The following TOR1AIP2 variants were observed in gnomAD, a reference collection of about 807,000 sequenced individuals.
The protein encoded by TOR1AIP2 is torsin-1A-interacting protein 2.
A neutral mutation model predicts 32.6 loss-of-function variants in TOR1AIP2; 20 were observed. That is an observed-to-expected ratio of 0.61 (90% CI 0.43 to 0.89). TOR1AIP2 has a LOEUF of 0.89. Ranked by LOEUF, TOR1AIP2 falls within the 40% of genes least tolerant of loss-of-function variation. The probability of loss-of-function intolerance (pLI) is 0.00; values close to 1 mark genes in which losing one functional copy is unlikely to be tolerated. For missense variants in TOR1AIP2, 456 were observed against 553.8 expected (o/e 0.82, Z 1.77); for synonymous variants, 214 against 210.8 (o/e 1.02, Z -0.13).
At position 179,851,072 on chromosome 1, in the gene TOR1AIP2, C is replaced by T. The variant is rs1202935111; in HGVS notation, c.326G>A (p.Gly109Asp). The stretch of plus-strand genomic sequence containing the variant: ...GGGATCTGGATCCAAGGGTTCTTTA[C>T]CCAGATTTTCTGAAGGGAGGTGATG... ...KGHHLPSENL[G>D]KEPLDPDPSH... Residue 109 changes from glycine to aspartate, a missense_variant, in exon 5 of 7, where the codon GGT (glycine) becomes GAT (aspartate). Transcript: ENST00000609928. The T allele has an allele frequency of 1.2e-6, 2 of 1,614,084 alleles. No individual in the cohort carries two copies. Among genetic ancestry groups the T allele is most frequent in the Admixed American group, 1.7e-5 (1 of 59,998 alleles).
At chr1:179,856,615 G>A (rs1696311708) in intron 3 of TOR1AIP2, among the ~76,000 whole-genome samples, 1 of 148,862 alleles carries the variant, frequency 6.7e-6, no homozygotes, top group Non-Finnish European at 1.5e-5. Flanking sequence ...TCAGAGGCAG[G>A]TCAATCTTTT....
intron 5 of TOR1AIP2, among the ~76,000 whole-genome samples, chr1:179,850,145 C>G (rs895919990): frequency 1.4e-4 from 21 of 152,140 alleles, no homozygotes; most frequent in African/African-American, 5.1e-4. Context: ...TCATCTTGTC[C>G]AACTTCTTCA....
At chr1:179,867,036 A>G (rs1024726582) in intron 2 of TOR1AIP2, among the ~76,000 whole-genome samples, 15 of 152,206 alleles carry the variant, frequency 9.9e-5, no homozygotes, top group Admixed American at 7.2e-4. Flanking sequence ...TGGGGAGGGC[A>G]TGAGTTAAAA....
At chr1:179,857,559 T>A (rs370164613) in intron 3 of TOR1AIP2, among the ~76,000 whole-genome samples, 3 of 152,220 alleles carry the variant, frequency 2.0e-5, no homozygotes, top group African/African-American at 7.2e-5. Flanking sequence ...CTAAGATGTA[T>A]CCTTTCTACT....
intron 3 of TOR1AIP2, among the ~76,000 whole-genome samples, chr1:179,854,993 G>C (rs1696245005): frequency 1.3e-5 from 2 of 152,130 alleles, no homozygotes; most frequent in South Asian, 2.1e-4. Context: ...AAGGAAATTG[G>C]CCAATTCACA....
rs145359130 is a variant in TOR1AIP2 at position 179,851,318 on chromosome 1, G to A, written c.80C>T (p.Ala27Val). 92 of 1,591,276 alleles carry A rather than the reference G, an allele frequency of 5.8e-5. No homozygotes were observed. Among genetic ancestry groups the A allele is most frequent in the African/African-American group, 5.7e-4 (42 of 73,758 alleles). ...LENDPSVNSQ[A>V]QETTIIASNA... ...ACTTGCTATGATTGTGGTCTCCTGC[G>A]CCTGAGAATTTACTGATGGATCATT... Residue 27 changes from alanine (A) to valine (V), a missense_variant, in exon 5 of 7, where the codon GCG (alanine) becomes GTG (valine). By Grantham distance (64) the Ala-to-Val change is moderately conservative. Coordinates refer to ENST00000609928, the MANE Select transcript of TOR1AIP2 (RefSeq NM_001199260.2).
rs1695858057 is a variant in TOR1AIP2, at chr1:179,845,287, G to GTTCTGCT, written c.*783_*784insAGCAGAA. 2.0e-5 allele frequency: 3 copies of GTTCTGCT among 152,188 alleles called. No individual in the cohort carries two copies. Among genetic ancestry groups the GTTCTGCT allele is most frequent in the Non-Finnish European group, 4.4e-5 (3 of 68,030 alleles). 9.4% of individuals were successfully genotyped at this position (152,188 alleles called of 1,614,324 possible). On this transcript the variant is annotated 3_prime_UTR_variant, in exon 7 of 7. Transcript: ENST00000609928. ...AAAAGCAGAACTGCTCTGATACAAA[G>GTTCTGCT]GGGAAGGGTGCCAGTAGACACAGTT...
intron 3 of TOR1AIP2, chr1:179,864,577 A>G: frequency 7.6e-7 from 1 of 1,310,838 alleles, no homozygotes. Context: ...GATTAGCCTC[A>G]GTCTAGATGA....
Position 179,852,700 on chromosome 1 carries a change from C to T in TOR1AIP2, c.-35G>A. ...CTATCTCTTCAGAGTTGGGAGGATA[C>T]TTTTTTTAGTACTTGGTTTTCCTTG... On this transcript the variant is annotated 5_prime_UTR_variant, in exon 4 of 7. Transcript: ENST00000609928. 1 of 1,613,616 alleles carries T rather than the reference C, an allele frequency of 6.2e-7. No individual in the cohort carries two copies.
intron 2 of TOR1AIP2, chr1:179,874,939 T>A (rs1267945228): frequency 6.6e-6 from 1 of 152,524 alleles, no homozygotes; most frequent in Non-Finnish European, 1.5e-5. Flanking sequence ...TAGACCTGAA[T>A]GACTGCTCCA....
In TOR1AIP2 at chr1:179,843,295, C is replaced by T. The variant is rs6696288; in HGVS notation, c.*2776G>A. ...CCAAGGCAGGCGGATCAATTGAGGCCAGGAGTTCGAGACCAACCTGGACAA... is the reference window on the plus strand; with the variant it reads ...CCAAGGCAGGCGGATCAATTGAGGCTAGGAGTTCGAGACCAACCTGGACAA... On this transcript the variant is annotated 3_prime_UTR_variant, in exon 7 of 7. Transcript: ENST00000609928. 0.067 allele frequency: 10,189 copies of T among 151,822 alleles called. 1,164 individuals carry two copies. The highest frequency in any genetic ancestry group is 0.23 in the African/African-American group (9,596 of 41,386). 9.4% of individuals were successfully genotyped at this position (151,822 alleles called of 1,614,324 possible). A position where few individuals can be genotyped will look rare whatever the true frequency, so the allele number is the denominator to read the frequency against.
chr1:179,870,636 C>T (rs899098994), intron 2 of TOR1AIP2, among the ~76,000 whole-genome samples: 2 of 151,662 alleles, frequency 1.3e-5, no homozygotes, highest in African/African-American at 2.4e-5. Flanking sequence ...TTTTAGTAAT[C>T]GGATATGTAG....
chr1:179,852,435 CTTATA>C (rs1452113482), intron 4 of TOR1AIP2, among the ~76,000 whole-genome samples, 192 bp downstream of exon 4: 2 of 152,070 alleles, frequency 1.3e-5, no homozygotes, highest in African/African-American at 4.8e-5. Context: ...ATTTATCTTC[CTTATA>C]TTATAATTAG....
Position 179,844,340 on chromosome 1 carries a change from C to T in TOR1AIP2, c.*1731G>A, listed in dbSNP as rs1318981724. 2 of 152,194 alleles carry T rather than the reference C, an allele frequency of 1.3e-5. No individual in the cohort carries two copies. Among genetic ancestry groups the T allele is most frequent in the African/African-American group, 4.8e-5 (2 of 41,444 alleles). 9.4% of individuals were successfully genotyped at this position (152,194 alleles called of 1,614,324 possible). ...CCCTACACTCAATTGAGCAATTACT[C>T]AATTGTAATCTTTTTAGGTATCAGT... On this transcript the variant is annotated 3_prime_UTR_variant, in exon 7 of 7. Transcript: ENST00000609928.
At position 179,840,993 on chromosome 1, in the gene TOR1AIP2, G is replaced by A. The variant is rs765801540; in HGVS notation, c.*5078C>T. Reference sequence around the variant, plus strand: ...CTCAGTCTGAATGAGGCAAATTTAGGCCCACATCATTAGGTATTTCACAAC... The same window carrying A: ...CTCAGTCTGAATGAGGCAAATTTAGACCCACATCATTAGGTATTTCACAAC... On this transcript the variant is annotated 3_prime_UTR_variant, in exon 7 of 7. Transcript: ENST00000609928. 3 of 151,640 alleles carry A rather than the reference G, an allele frequency of 2.0e-5. No individual in the cohort carries two copies. Among genetic ancestry groups the A allele is most frequent in the Non-Finnish European group, 4.4e-5 (3 of 67,938 alleles). The allele number at this position is 151,640 out of a possible 1,614,324, so 9.4% of individuals were successfully genotyped here.
At chr1:179,869,262 C>T (rs573889582) in intron 2 of TOR1AIP2, 3 of 152,034 alleles carry the variant, frequency 2.0e-5, no homozygotes, top group African/African-American at 7.2e-5. Context: ...AGGCGTAAGC[C>T]ACCGTGCCCG....
intron 2 of TOR1AIP2, chr1:179,875,006 T>G (rs533853792): frequency 1.3e-5 from 2 of 154,932 alleles, no homozygotes; most frequent in African/African-American, 4.8e-5. Flanking sequence ...CTTTGTTTTT[T>G]GTTTTGTTTT....
intron 3 of TOR1AIP2, chr1:179,863,095 G>A (rs915540198): frequency 2.8e-4 from 63 of 228,816 alleles, no homozygotes; most frequent in Admixed American, 7.2e-4. Context: ...GTGTGGTGGC[G>A]CACACCTGTA....
chr1:179,866,723 T>C (rs1368444470), intron 2 of TOR1AIP2, among the ~76,000 whole-genome samples: 4 of 152,178 alleles, frequency 2.6e-5, no homozygotes, highest in Non-Finnish European at 5.9e-5. Flanking sequence ...CCTAGTTTTA[T>C]TGGTTTATAC....
Sources: allele counts gnomAD v4.1 joint callset (sites outside exome capture counted in the v4.1 genomes callset), GRCh38; gene constraint gnomAD v4.1.1; transcripts MANE v1.5; gene names NCBI Gene and HGNC (gene_info 2026-07-23, HGNC 2026-07-21).